LZTFL1: variants seen among roughly 807,000 people sequenced by gnomAD.
LZTFL1 encodes the protein leucine zipper transcription factor-like protein 1.
A neutral mutation model predicts 45.9 loss-of-function variants in LZTFL1; 25 were observed. The ratio of observed to expected loss-of-function variants is 0.54; its 90% confidence interval spans 0.40 to 0.76. The LOEUF is 0.76. LZTFL1 is among the 30% of genes least tolerant of loss of function. The pLI is 0.00. For missense variants in LZTFL1, 277 were observed against 331.1 expected (o/e 0.84, Z 1.27); for synonymous variants, 93 against 117.4 (o/e 0.79, Z 1.35).
chr3:45,890,305 A>ATATATATATTTATATAAATATATATATGT (rs1702121761), intron 2 of LZTFL1, among the ~76,000 whole-genome samples: 1 of 7,988 alleles, frequency 1.3e-4, no homozygotes, highest in African/African-American at 1.0e-3. Flanking sequence ...TATATATAAC[A>ATATATATATTTATATAAATATATATATGT]TATATATATA....
intron 2 of LZTFL1, 43 bp downstream of exon 2, chr3:45,837,884 A>G (rs756394350): frequency 6.5e-7 from 1 of 1,549,148 alleles, no homozygotes; most frequent in Admixed American, 2.2e-5. Flanking sequence ...ACCAGAAAGA[A>G]TCCATGTTCC....
At chr3:45,855,034 G>A (rs924433088) in exon 4 of LZTFL1, 7 of 1,535,094 alleles carry the variant, frequency 4.6e-6, no homozygotes, top group Middle Eastern at 1.7e-4. Context: ...AGTCACCAAA[G>A]GGTGGGTAGG....
At chr3:45,879,326 C>T (rs1050737532) in intron 2 of LZTFL1, among the ~76,000 whole-genome samples, 1 of 152,074 alleles carries the variant, frequency 6.6e-6, no homozygotes, top group African/African-American at 2.4e-5. Context: ...TGTTATTCAA[C>T]ACTAAAAAGA....
chr3:45,861,682 A>G (rs535101194), intron 2 of LZTFL1, among the ~76,000 whole-genome samples: 17 of 152,344 alleles, frequency 1.1e-4, no homozygotes, highest in African/African-American at 4.1e-4. Context: ...ACAAGGGACA[A>G]AGTCACAGAT....
chr3:45,861,226 A>G (rs202233535), intron 2 of LZTFL1, among the ~76,000 whole-genome samples: 1 of 141,110 alleles, frequency 7.1e-6, no homozygotes, highest in Non-Finnish European at 1.6e-5. Context: ...AAAAAAAAAA[A>G]CCCCAAAAAC....
At chr3:45,902,545 C>T (rs1407114304) in intron 2 of LZTFL1, 1 of 167,198 alleles carries the variant, frequency 6.0e-6, no homozygotes, top group Non-Finnish European at 1.5e-5. Flanking sequence ...CTGACCACAC[C>T]CACAAGGCAT....
intron 2 of LZTFL1, among the ~76,000 whole-genome samples, chr3:45,860,186 T>A (rs974272459): frequency 6.6e-6 from 1 of 152,144 alleles, no homozygotes; most frequent in Admixed American, 6.6e-5. Context: ...CACTCCATCC[T>A]GGGCGACAGA....
At chr3:45,868,221 CAA>C (rs544457959) in intron 2 of LZTFL1, among the ~76,000 whole-genome samples, 92 of 138,784 alleles carry the variant, frequency 6.6e-4, no homozygotes, top group African/African-American at 2.4e-3. Context: ...AATTTTTTTG[CAA>C]AAAAAAAAAG....
Position 45,828,462 on chromosome 3 carries a change from C to T in LZTFL1, c.754G>A (p.Glu252Lys), listed in dbSNP as rs1362987756. 1 of 1,613,932 alleles carries T rather than the reference C, an allele frequency of 6.2e-7. No homozygotes were observed. Among genetic ancestry groups the T allele is most frequent in the Non-Finnish European group, 8.5e-7 (1 of 1,180,002 alleles). ...TAKHDLLRVQ[E>K]QLHMAEKELE... ...ACCTTTTCAGCCATGTGCAGCTGCT[C>T]CTGAACCCTGAGTAGATCGTGCTTG... Residue 252 changes from glutamate to lysine, a missense_variant, in exon 8 of 10, where the codon GAG becomes AAG. Glu to Lys is a moderately conservative substitution (Grantham distance 56). Coordinates refer to ENST00000296135, the MANE Select transcript of LZTFL1 (RefSeq NM_020347.4).
chr3:45,903,808 G>A (rs962748938), intron 2 of LZTFL1, among the ~76,000 whole-genome samples: 13 of 152,338 alleles, frequency 8.5e-5, no homozygotes, highest in Middle Eastern at 3.4e-3. Context: ...CACTGCATCC[G>A]TAGTTAAAGG....
intron 4 of LZTFL1, among the ~76,000 whole-genome samples, chr3:45,850,667 A>G (rs1701293673): frequency 6.6e-6 from 1 of 152,122 alleles, no homozygotes. Context: ...TCCTGAGATC[A>G]TCAGCTTTTT....
At chr3:45,888,690 T>G (rs1057085336) in intron 2 of LZTFL1, among the ~76,000 whole-genome samples, 1 of 152,164 alleles carries the variant, frequency 6.6e-6, no homozygotes, top group Non-Finnish European at 1.5e-5. Flanking sequence ...TATGTGGGAT[T>G]TTCCCCCCTA....
chr3:45,829,793 C>T (rs933887786), intron 7 of LZTFL1, among the ~76,000 whole-genome samples: 12 of 152,128 alleles, frequency 7.9e-5, no homozygotes, highest in Admixed American at 7.9e-4. Flanking sequence ...AGCTTTTAAA[C>T]AAATTCATCA....
At chr3:45,899,268 T>G (rs1226255977) in intron 2 of LZTFL1, among the ~76,000 whole-genome samples, 2 of 152,356 alleles carry the variant, frequency 1.3e-5, no homozygotes, top group African/African-American at 2.4e-5. Flanking sequence ...TATGCAAAGA[T>G]TCTCAACTAT....
At chr3:45,896,064 C>T (rs772633328) in intron 2 of LZTFL1, among the ~76,000 whole-genome samples, 1 of 152,178 alleles carries the variant, frequency 6.6e-6, no homozygotes, top group Non-Finnish European at 1.5e-5. Flanking sequence ...TGTATAGTTA[C>T]CTAATTGCAC....
upstream of LZTFL1, among the ~76,000 whole-genome samples, chr3:45,844,807 A>T (rs973181490): frequency 6.6e-6 from 1 of 152,232 alleles, no homozygotes; most frequent in Non-Finnish European, 1.5e-5. Context: ...CCTAGTGACC[A>T]GCAGGGTATT....
chr3:45,884,018 T>A, intron 2 of LZTFL1: 1 of 250,390 alleles, frequency 4.0e-6, no homozygotes, highest in Non-Finnish European at 8.3e-6. Flanking sequence ...GAAGAAATCC[T>A]GAGATCTGAG....
intron 1 of LZTFL1, among the ~76,000 whole-genome samples, chr3:45,839,851 T>C (rs989589891): frequency 3.3e-5 from 5 of 152,178 alleles, no homozygotes; most frequent in African/African-American, 1.2e-4. Context: ...CCACCCTTCA[T>C]GGCCTAACCT....
At chr3:45,862,053 T>C (rs1026329706) in intron 2 of LZTFL1, among the ~76,000 whole-genome samples, 1 of 152,214 alleles carries the variant, frequency 6.6e-6, no homozygotes, top group African/African-American at 2.4e-5. Flanking sequence ...AGCTATGGAC[T>C]TTTGGTAATC....
Sources: allele counts gnomAD v4.1 joint callset (sites outside exome capture counted in the v4.1 genomes callset), GRCh38; gene constraint gnomAD v4.1.1; transcripts MANE v1.5; gene names NCBI Gene and HGNC (gene_info 2026-07-23, HGNC 2026-07-21).